The following MALRD1 variants were observed in gnomAD, a reference collection of about 807,000 sequenced individuals.
The protein encoded by MALRD1 is MAM and LDL-receptor class A domain-containing protein 1.
Under a neutral mutation model 242.1 loss-of-function variants are expected in MALRD1, and 247 were observed. The ratio of observed to expected loss-of-function variants is 1.02; its 90% CI spans 0.92 to 1.13. The LOEUF (loss-of-function observed/expected upper bound fraction) is 1.13. Ranked by LOEUF, MALRD1 falls within the 50% of genes most tolerant of loss-of-function variation. The pLI is 0.00. For synonymous variants in MALRD1, 995 were observed against 866.6 expected (o/e 1.15, Z -2.60); for missense variants, 2,989 against 2,533.1 (o/e 1.18, Z -3.86).
intron 18 of MALRD1, among the ~76,000 whole-genome samples, chr10:19,247,414 C>T (rs1276685280): frequency 6.6e-6 from 1 of 151,750 alleles, no homozygotes; most frequent in African/African-American, 2.4e-5. Flanking sequence ...GTATAAACCA[C>T]CAAAGAGATT....
intron 13 of MALRD1, among the ~76,000 whole-genome samples, chr10:19,171,060 G>A (rs995767063): frequency 1.6e-4 from 24 of 151,478 alleles, no homozygotes; most frequent in Admixed American, 7.9e-4. Context: ...TGTTAATTGC[G>A]TATTTGTCTG....
intron 29 of MALRD1, among the ~76,000 whole-genome samples, chr10:19,475,812 A>G (rs1836702392): frequency 6.6e-6 from 1 of 152,230 alleles, no homozygotes; most frequent in Non-Finnish European, 1.5e-5. Flanking sequence ...AAGGCTAATT[A>G]AAAGGTCTCA....
chr10:19,274,151 G>C (rs987533239), intron 19 of MALRD1, among the ~76,000 whole-genome samples: 1 of 152,142 alleles, frequency 6.6e-6, no homozygotes, highest in African/African-American at 2.4e-5. Flanking sequence ...AATTCAAGCA[G>C]AATCTTGAGA....
At chr10:19,576,244 A>G (rs1466603127) in intron 33 of MALRD1, among the ~76,000 whole-genome samples, 1 of 152,200 alleles carries the variant, frequency 6.6e-6, no homozygotes, top group Non-Finnish European at 1.5e-5. Context: ...TCCCTATGCC[A>G]TTCCTCTGAA....
At chr10:19,439,183 T>G (rs918016993) in intron 28 of MALRD1, among the ~76,000 whole-genome samples, 1 of 144,292 alleles carries the variant, frequency 6.9e-6, no homozygotes, top group Non-Finnish European at 1.5e-5. Flanking sequence ...GCCATTATTA[T>G]GTTCATTGTT....
intron 36 of MALRD1, among the ~76,000 whole-genome samples, chr10:19,668,465 T>G (rs1299860495): frequency 3.9e-5 from 6 of 152,174 alleles, no homozygotes; most frequent in Admixed American, 2.0e-4. Flanking sequence ...AGGGCTTTAG[T>G]CATCAATGCA....
chr10:19,126,144 T>C (rs1231789591), intron 7 of MALRD1, among the ~76,000 whole-genome samples: 1 of 152,080 alleles, frequency 6.6e-6, no homozygotes, highest in Non-Finnish European at 1.5e-5. Flanking sequence ...GTGCATGTAA[T>C]GGTTTTTAGT....
At chr10:19,128,600 A>G (rs1374085795) in intron 8 of MALRD1, among the ~76,000 whole-genome samples, 3 of 152,310 alleles carry the variant, frequency 2.0e-5, no homozygotes, top group East Asian at 1.9e-4. Context: ...ATATTATTTC[A>G]TAAAGTTTTC....
rs531910422 is a variant in MALRD1, at chr10:19,236,601, C to T, written c.2992-21083C>T. Among the ~76,000 whole-genome samples, 208 of 152,186 alleles carry T rather than the reference C, an allele frequency of 1.4e-3. 1 individual carries two copies. The highest frequency in any genetic ancestry group is 4.7e-3 in the African/African-American group (195 of 41,542). ...CTAAGTTAACTTCTTAGATAAAATGCCAACTTTCTATATTTTGCTTCACAT... is the reference window on the plus strand; with the variant it reads ...CTAAGTTAACTTCTTAGATAAAATGTCAACTTTCTATATTTTGCTTCACAT... On this transcript the variant is annotated intron_variant, in intron 18 of 39. Coordinates refer to ENST00000454679, the MANE Select transcript of MALRD1 (RefSeq NM_001142308.3).
chr10:19,257,097 T>C (rs1471538371), intron 18 of MALRD1, among the ~76,000 whole-genome samples: 1 of 152,092 alleles, frequency 6.6e-6, no homozygotes. Context: ...GAACTGCCGC[T>C]CCTGCAGCAG....
At chr10:19,339,783 G>A (rs1388714145) in intron 24 of MALRD1, among the ~76,000 whole-genome samples, 1 of 152,110 alleles carries the variant, frequency 6.6e-6, no homozygotes, top group African/African-American at 2.4e-5. Flanking sequence ...TACATAGTAT[G>A]TGTTATATTA....
intron 33 of MALRD1, among the ~76,000 whole-genome samples, chr10:19,568,878 C>T (rs1018941535): frequency 9.9e-5 from 15 of 152,114 alleles, no homozygotes; most frequent in Middle Eastern, 3.4e-3. Context: ...ATGTGCCAGG[C>T]GATGGGCTAA....
intron 21 of MALRD1, among the ~76,000 whole-genome samples, chr10:19,294,672 C>T (rs1326364377): frequency 6.6e-6 from 1 of 152,088 alleles, no homozygotes; most frequent in Non-Finnish European, 1.5e-5. Context: ...TAAAGATACC[C>T]AAGGCATTCT....
intron 32 of MALRD1, among the ~76,000 whole-genome samples, chr10:19,562,139 T>TA (rs1835995918): frequency 6.6e-6 from 1 of 151,964 alleles, no homozygotes; most frequent in Non-Finnish European, 1.5e-5. Flanking sequence ...CTACTAAAAA[T>TA]ACAAAAATTA....
intron 35 of MALRD1, among the ~76,000 whole-genome samples, chr10:19,611,112 G>A (rs1359696513): frequency 1.3e-5 from 2 of 151,918 alleles, no homozygotes; most frequent in Non-Finnish European, 2.9e-5. Flanking sequence ...CCATTCACTA[G>A]TATAAAAATT....
At chr10:19,672,165 A>G (rs769698246) in intron 36 of MALRD1, among the ~76,000 whole-genome samples, 1 of 152,122 alleles carries the variant, frequency 6.6e-6, no homozygotes, top group Non-Finnish European at 1.5e-5. Flanking sequence ...GTTACACATT[A>G]AAGACCATCA....
chr10:19,531,112 A>T, intron 31 of MALRD1, 82 bp from the exon 32 acceptor site: 1 of 1,160,842 alleles, frequency 8.6e-7, no homozygotes, highest in East Asian at 2.6e-5. Context: ...GGATAAAAAG[A>T]TATCTGTTAA....
At chr10:19,291,241 A>C in intron 21 of MALRD1, among the ~76,000 whole-genome samples, 1 of 152,202 alleles carries the variant, frequency 6.6e-6, no homozygotes, top group African/African-American at 2.4e-5. Context: ...TAGAATACCT[A>C]TGTGTATTCT....
At chr10:19,543,681 C>G (rs1260368451) in intron 32 of MALRD1, among the ~76,000 whole-genome samples, 1 of 152,086 alleles carries the variant, frequency 6.6e-6, no homozygotes, top group Non-Finnish European at 1.5e-5. Context: ...AACCCAAACT[C>G]TGTAGCTTAA....
Sources: allele counts gnomAD v4.1 joint callset (sites outside exome capture counted in the v4.1 genomes callset), GRCh38; gene constraint gnomAD v4.1.1; transcripts MANE v1.5; gene names NCBI Gene and HGNC (gene_info 2026-07-23, HGNC 2026-07-21).